CSRP1: variants seen among roughly 807,000 people sequenced by gnomAD.
CSRP1 encodes the protein cysteine and glycine-rich protein 1.
CSRP1 carries 16 observed loss-of-function variants against 25.4 expected under a neutral mutation model. The ratio of observed to expected loss-of-function variants is 0.63; its 90% CI spans 0.43 to 0.96. CSRP1 has a LOEUF of 0.96. Among genes scored for constraint, CSRP1 ranks in the 40% least tolerant of loss-of-function variants. The pLI, the probability that CSRP1 is intolerant of heterozygous loss-of-function variation, is 0.00. For missense variants in CSRP1, 212 were observed against 243.6 expected, an observed-to-expected ratio of 0.87 and a Z score of 0.86; for synonymous variants, 97 against 95.3, an observed-to-expected ratio of 1.02 and a Z score of -0.10.
chr1:201,505,763 G>C (rs942132460), intron 1 of CSRP1, among the ~76,000 whole-genome samples: 1 of 152,232 alleles, frequency 6.6e-6, no homozygotes, highest in Non-Finnish European at 1.5e-5. Flanking sequence ...TCTCTCAAAA[G>C]AGGTAGCCAG....
chr1:201,486,341 T>C, intron 4 of CSRP1: 1 of 985,438 alleles, frequency 1.0e-6, no homozygotes, highest in Non-Finnish European at 1.2e-6. Context: ...TGTAGACAGC[T>C]CTGCTTAACC....
chr1:201,486,636 T>A, intron 4 of CSRP1: 1 of 1,009,286 alleles, frequency 9.9e-7, no homozygotes, highest in Non-Finnish European at 1.2e-6. Flanking sequence ...AAAAACTGAA[T>A]CACACCTAGA....
chr1:201,505,302 C>T (rs1012866145), intron 1 of CSRP1, among the ~76,000 whole-genome samples: 1 of 152,166 alleles, frequency 6.6e-6, no homozygotes, highest in South Asian at 2.1e-4. Context: ...TCACTACACT[C>T]CCAGGCTGCA....
intron 3 of CSRP1, chr1:201,489,343 CA>C (rs1485471241): frequency 5.6e-6 from 1 of 178,074 alleles, no homozygotes; most frequent in African/African-American, 2.4e-5. Context: ...CCCACTGGGG[CA>C]ATGACCTTGG....
chr1:201,498,084 G>T (rs926606183), intron 1 of CSRP1, among the ~76,000 whole-genome samples: 1 of 152,048 alleles, frequency 6.6e-6, no homozygotes, highest in African/African-American at 2.4e-5. Flanking sequence ...TATGTCAAAG[G>T]CAAGGCACAG....
In CSRP1 at chr1:201,484,297, C is replaced by G. The variant is rs977912485; in HGVS notation, c.*416G>C. 3.3e-5 allele frequency: 17 copies of G among 510,934 alleles called. No individual in the cohort carries two copies. The highest frequency in any genetic ancestry group is 2.0e-4 in the East Asian group (7 of 34,974). 31.7% of individuals were successfully genotyped at this position (510,934 alleles called of 1,614,324 possible). On this transcript the variant is annotated 3_prime_UTR_variant, in exon 6 of 6. Transcript: ENST00000340006. Reference sequence around the variant, plus strand: ...AGATCCAAAAAACCCAGCCTTCCCCCCTCCTCATCTTGGTCTTGCTTCCCT... The same window carrying G: ...AGATCCAAAAAACCCAGCCTTCCCCGCTCCTCATCTTGGTCTTGCTTCCCT...
intron 1 of CSRP1, among the ~76,000 whole-genome samples, chr1:201,505,454 T>C (rs1487302489): frequency 6.6e-6 from 1 of 152,218 alleles, no homozygotes; most frequent in African/African-American, 2.4e-5. Context: ...TTTCCCATTT[T>C]ATTAGCAGGC....
At chr1:201,485,157 C>A (rs1664092846) in intron 5 of CSRP1, 126 bp downstream of exon 5, 2 of 836,658 alleles carry the variant, frequency 2.4e-6, no homozygotes, top group East Asian at 2.4e-5. Context: ...ATGAAGGAAT[C>A]ATACTAGATG....
At chr1:201,499,617 C>G (rs1557976390) in intron 1 of CSRP1, among the ~76,000 whole-genome samples, 1 of 152,090 alleles carries the variant, frequency 6.6e-6, no homozygotes, top group Non-Finnish European at 1.5e-5. Context: ...TGCATCATCC[C>G]ATTTCTTTAT....
chr1:201,488,144 T>C (rs1397966819), intron 4 of CSRP1: 1 of 152,224 alleles, frequency 6.6e-6, no homozygotes, highest in Admixed American at 6.5e-5. Flanking sequence ...ACTGCTAATC[T>C]GACACTGCAA....
At chr1:201,500,636 T>G (rs946100699) in intron 1 of CSRP1, among the ~76,000 whole-genome samples, 3 of 152,258 alleles carry the variant, frequency 2.0e-5, no homozygotes, top group Non-Finnish European at 4.4e-5. Flanking sequence ...AGGCAGTGCC[T>G]GTGGATGAGG....
chr1:201,494,507 G>A (rs573757452), intron 2 of CSRP1, among the ~76,000 whole-genome samples: 1 of 152,200 alleles, frequency 6.6e-6, no homozygotes, highest in Non-Finnish European at 1.5e-5. Flanking sequence ...ACTAAACCTT[G>A]TTTACTCCCC....
At chr1:201,504,205 C>CAA (rs1022426465) in intron 1 of CSRP1, among the ~76,000 whole-genome samples, 1 of 152,224 alleles carries the variant, frequency 6.6e-6, no homozygotes, top group African/African-American at 2.4e-5. Context: ...GGCAGCTCCA[C>CAA]AACTGATCAG....
chr1:201,497,293 A>G (rs934027461), intron 1 of CSRP1, among the ~76,000 whole-genome samples: 1 of 132,762 alleles, frequency 7.5e-6, no homozygotes, highest in Non-Finnish European at 1.5e-5. Flanking sequence ...TGGGAGGCGG[A>G]GGTAGCAGTG....
intron 2 of CSRP1, among the ~76,000 whole-genome samples, chr1:201,494,339 C>A (rs57534479): frequency 3.9e-5 from 6 of 152,152 alleles, no homozygotes; most frequent in African/African-American, 1.4e-4. Context: ...GCCCTTAGGA[C>A]CCCAGCAGCC....
rs1664047614 is a variant in CSRP1, at chr1:201,483,896, C to T, written c.*817G>A. On this transcript the variant is annotated 3_prime_UTR_variant, in exon 6 of 6. Coordinates refer to ENST00000340006, the MANE Select transcript of CSRP1 (RefSeq NM_004078.3). ...CAAGAACAGAGCCCTGGCCTGGGCT[C>T]TGCTGGCCGCAGCCTCAGGAGCCAG... The T allele has an allele frequency of 9.3e-6, 6 of 643,906 alleles. No homozygotes were observed. The highest frequency in any genetic ancestry group is 1.7e-5 in the Non-Finnish European group (6 of 344,110). The allele number at this position is 643,906 out of a possible 1,614,324, so 39.9% of individuals were successfully genotyped here.
chr1:201,500,688 C>G (rs1347187928), intron 1 of CSRP1, among the ~76,000 whole-genome samples: 1 of 152,240 alleles, frequency 6.6e-6, no homozygotes, highest in Non-Finnish European at 1.5e-5. Flanking sequence ...TCCAGGTGAC[C>G]CTGCCTGTGG....
intron 2 of CSRP1, chr1:201,491,928 G>T (rs1664352235): frequency 6.6e-6 from 1 of 152,266 alleles, no homozygotes; most frequent in South Asian, 2.1e-4. Context: ...TAAGCCCCAG[G>T]TTGGAGACTT....
intron 2 of CSRP1, among the ~76,000 whole-genome samples, chr1:201,495,358 G>A (rs1664478502): frequency 6.6e-6 from 1 of 152,198 alleles, no homozygotes; most frequent in Non-Finnish European, 1.5e-5. Flanking sequence ...TCCAGCCTGG[G>A]TGACAGAGTG....
Sources: gnomAD v4.1 joint callset for allele counts (sites outside exome capture counted in the v4.1 genomes callset) on GRCh38, gnomAD v4.1.1 for gene constraint, MANE v1.5 for transcripts, NCBI Gene and HGNC (gene_info 2026-07-23, HGNC 2026-07-21) for gene names.